Variants in DPY19L1 observed in about 807,000 individuals in gnomAD.
DPY19L1 encodes dpy-19 like C-mannosyltransferase 1.
Under a neutral mutation model 96.9 loss-of-function variants are expected in DPY19L1, and 35 were observed. That is an observed-to-expected ratio of 0.36 (90% CI 0.28 to 0.48). The LOEUF is 0.48. DPY19L1 is among the 20% of genes least tolerant of loss of function. The pLI is 0.99. For synonymous variants in DPY19L1, 205 were observed against 252.6 expected, an observed-to-expected ratio of 0.81 and a Z score of 1.79; for missense variants, 521 against 777.9, an observed-to-expected ratio of 0.67 and a Z score of 3.93.
At chr7:34,944,226 G>C (rs1784088527) in intron 16 of DPY19L1, among the ~76,000 whole-genome samples, 1 of 151,798 alleles carries the variant, frequency 6.6e-6, no homozygotes, top group South Asian at 2.1e-4. Flanking sequence ...AGCTGGGCGT[G>C]GTGGTGGTCG....
intron 6 of DPY19L1, among the ~76,000 whole-genome samples, chr7:34,998,417 T>C (rs1300663386): frequency 6.6e-6 from 1 of 152,102 alleles, no homozygotes; most frequent in Non-Finnish European, 1.5e-5. Flanking sequence ...AAAAGCGACC[T>C]CATCGCCAGA....
intron 1 of DPY19L1, among the ~76,000 whole-genome samples, chr7:35,021,614 T>C (rs1301832229): frequency 6.6e-6 from 1 of 152,226 alleles, no homozygotes; most frequent in Non-Finnish European, 1.5e-5. Flanking sequence ...TATGTACAAA[T>C]ATTTCCACAG....
At chr7:34,934,039 C>G (rs1343931220) in intron 21 of DPY19L1, among the ~76,000 whole-genome samples, 1 of 151,782 alleles carries the variant, frequency 6.6e-6, no homozygotes, top group Non-Finnish European at 1.5e-5. Flanking sequence ...TCTCGGCTCA[C>G]TGCAAGCTCC....
Position 34,929,223 on chromosome 7 carries a change from T to C in DPY19L1, c.*2350A>G, listed in dbSNP as rs1464189240. ...AAAACACTGAGCTTTAATACTGTTT[T>C]GTACGCCTATGGAACCTGCTACCAA... On this transcript the variant is annotated 3_prime_UTR_variant, in exon 22 of 22. Coordinates refer to ENST00000638088, the MANE Select transcript of DPY19L1 (RefSeq NM_001366673.1). 1.3e-5 allele frequency: 2 copies of C among 152,242 alleles called. No homozygotes were observed. Among genetic ancestry groups the C allele is most frequent in the Non-Finnish European group, 2.9e-5 (2 of 68,048 alleles). The allele number at this position is 152,242 out of a possible 1,614,324, so 9.4% of individuals were successfully genotyped here.
chr7:35,018,839 C>T (rs1384847686), intron 1 of DPY19L1, among the ~76,000 whole-genome samples: 3 of 151,978 alleles, frequency 2.0e-5, no homozygotes, highest in Non-Finnish European at 4.4e-5. Context: ...CTAATATCCG[C>T]TAATAGACAG....
At chr7:35,000,689 C>G (rs1042114878) in intron 6 of DPY19L1, 3 of 152,104 alleles carry the variant, frequency 2.0e-5, no homozygotes, top group Non-Finnish European at 4.4e-5. Context: ...AATCCTGGGA[C>G]CTCAGAATCC....
At chr7:34,988,353 T>A (rs1019991759) in intron 7 of DPY19L1, 1 of 152,050 alleles carries the variant, frequency 6.6e-6, no homozygotes, top group African/African-American at 2.4e-5. Flanking sequence ...GGTCATTCCC[T>A]CAGAATCTGT....
intron 7 of DPY19L1, among the ~76,000 whole-genome samples, chr7:34,975,754 T>C (rs1414729182): frequency 3.3e-5 from 5 of 152,168 alleles, no homozygotes; most frequent in African/African-American, 7.2e-5. Context: ...CCAATATTCA[T>C]TGACCATTCT....
chr7:35,016,434 G>T (rs958117697), intron 3 of DPY19L1, among the ~76,000 whole-genome samples: 1 of 152,208 alleles, frequency 6.6e-6, no homozygotes, highest in African/African-American at 2.4e-5. Context: ...TAAAAAGAAA[G>T]AATAAAGCAT....
chr7:34,938,404 G>A (rs766643124), intron 20 of DPY19L1, among the ~76,000 whole-genome samples: 51 of 152,220 alleles, frequency 3.4e-4, no homozygotes, highest in Non-Finnish European at 5.9e-4. Flanking sequence ...TCTTCACTTC[G>A]CTATCACATG....
intron 11 of DPY19L1, among the ~76,000 whole-genome samples, chr7:34,957,774 T>C (rs1045107767): frequency 1.3e-5 from 2 of 151,768 alleles, no homozygotes; most frequent in African/African-American, 4.8e-5. Context: ...GAAGAAAGCA[T>C]AGAAACTTTT....
intron 21 of DPY19L1, among the ~76,000 whole-genome samples, chr7:34,935,895 T>C (rs1033975991): frequency 1.3e-5 from 2 of 152,208 alleles, no homozygotes; most frequent in African/African-American, 4.8e-5. Flanking sequence ...AGCTTTTGTT[T>C]TGTGTCAAGG....
intron 1 of DPY19L1, 138 bp from the exon 2 acceptor site, chr7:35,018,734 C>T: frequency 1.4e-6 from 1 of 723,222 alleles, no homozygotes; most frequent in Non-Finnish European, 2.3e-6. Flanking sequence ...AGTCCCAGGG[C>T]TACGTTTAAA....
chr7:34,950,279 G>A (rs191595112), intron 13 of DPY19L1, among the ~76,000 whole-genome samples: 312 of 152,212 alleles, frequency 2.0e-3, no homozygotes, highest in African/African-American at 6.9e-3. Context: ...AAAGGACTAT[G>A]GGGTAAAGAA....
At chr7:34,959,914 T>TATATATTTTTATATATATATATAA (rs1562806903) in intron 10 of DPY19L1, among the ~76,000 whole-genome samples, 1 of 10,616 alleles carries the variant, frequency 9.4e-5, no homozygotes, top group Non-Finnish European at 1.7e-4. Flanking sequence ...TATATATATA[T>TATATATTTTTATATATATATATAA]ATATATATAT....
chr7:34,985,027 C>A (rs1785018771), intron 7 of DPY19L1, among the ~76,000 whole-genome samples: 1 of 152,022 alleles, frequency 6.6e-6, no homozygotes, highest in East Asian at 1.9e-4. Context: ...TTCTTACCAA[C>A]CTTACCAAAA....
At chr7:34,939,524 T>A (rs924614528) in intron 19 of DPY19L1, 149 bp from the exon 20 acceptor site, 16 of 572,254 alleles carry the variant, frequency 2.8e-5, no homozygotes, top group South Asian at 5.5e-5. Flanking sequence ...TAGCATGAAG[T>A]CAGATGGCTG....
Position 35,010,229 on chromosome 7 carries a change from CA to C in DPY19L1, c.764+238del, listed in dbSNP as rs1428357483. On this transcript the variant is annotated intron_variant, in intron 6 of 21. Transcript: ENST00000638088. ...TGGGTGACAGAGTGAGACCCTGTCT[CA>C]AAAAAAAAAGTAATTAAATTTATCA... Among the ~76,000 whole-genome samples the C allele has an allele frequency of 4.1e-5, 6 of 145,620 alleles. No homozygotes were observed. The East Asian group carries it at 8.0e-4, about 19-fold the overall frequency.
At chr7:34,968,534 G>C (rs1330853831) in intron 9 of DPY19L1, among the ~76,000 whole-genome samples, 1 of 152,048 alleles carries the variant, frequency 6.6e-6, no homozygotes, top group Non-Finnish European at 1.5e-5. Context: ...ACTTTGGGAG[G>C]CCAAAGCGGG....
Sources: allele counts gnomAD v4.1 joint callset (sites outside exome capture counted in the v4.1 genomes callset), GRCh38; gene constraint gnomAD v4.1.1; transcripts MANE v1.5; gene names NCBI Gene and HGNC (gene_info 2026-07-23, HGNC 2026-07-21).